The following LRRIQ3 variants were observed in gnomAD, a reference collection of about 807,000 sequenced individuals.
LRRIQ3 encodes leucine rich repeats and IQ motif containing 3.
A neutral mutation model predicts 59.3 loss-of-function variants in LRRIQ3; 75 were observed. The observed-to-expected ratio is 1.26, with a 90% CI of 1.05 to 1.53. The LOEUF is 1.53. Among genes scored for constraint, LRRIQ3 ranks in the 40% most tolerant of loss-of-function variants. LRRIQ3 has a pLI of 0.00. For synonymous variants in LRRIQ3, 250 were observed against 231.3 expected, an observed-to-expected ratio of 1.08 and a Z score of -0.73; for missense variants, 831 against 710.0, an observed-to-expected ratio of 1.17 and a Z score of -1.94.
At chr1:74,063,792 G>A (rs1654795304) in intron 6 of LRRIQ3, among the ~76,000 whole-genome samples, 2 of 151,840 alleles carry the variant, frequency 1.3e-5, no homozygotes, top group South Asian at 4.2e-4. Flanking sequence ...AATCTAAAGT[G>A]TGTTTGCTTT....
At chr1:74,093,456 C>T (rs570249160) in intron 5 of LRRIQ3, among the ~76,000 whole-genome samples, 6 of 151,994 alleles carry the variant, frequency 3.9e-5, no homozygotes, top group Non-Finnish European at 7.4e-5. Flanking sequence ...TATGCTGTTT[C>T]TATGCCACTT....
At chr1:74,106,948 C>A (rs1646623822) in intron 5 of LRRIQ3, among the ~76,000 whole-genome samples, 2 of 151,890 alleles carry the variant, frequency 1.3e-5, no homozygotes, top group African/African-American at 2.4e-5. Context: ...AGGAAGTGTT[C>A]CACATCCTCC....
At chr1:74,083,701 C>A (rs1435352668) in intron 5 of LRRIQ3, 1 of 151,998 alleles carries the variant, frequency 6.6e-6, no homozygotes, top group African/African-American at 2.4e-5. Context: ...TCATAAAACA[C>A]AAATCTTTGT....
chr1:74,030,476 T>A (rs1653669504), intron 7 of LRRIQ3, among the ~76,000 whole-genome samples: 1 of 152,118 alleles, frequency 6.6e-6, no homozygotes, highest in Admixed American at 6.6e-5. Context: ...AACTATCTGA[T>A]CCTTGACAAA....
intron 3 of LRRIQ3, among the ~76,000 whole-genome samples, chr1:74,175,336 CT>C (rs950990040): frequency 1.2e-4 from 19 of 152,256 alleles, no homozygotes; most frequent in African/African-American, 4.6e-4. Flanking sequence ...TACCCTCCCC[CT>C]TTTTTTGTTG....
chr1:74,113,959 CTA>C (rs1011339834), intron 4 of LRRIQ3, among the ~76,000 whole-genome samples: 4 of 151,448 alleles, frequency 2.6e-5, no homozygotes, highest in African/African-American at 9.7e-5. Flanking sequence ...CTCTCTTTCT[CTA>C]TCTCTCTCTC....
chr1:74,109,666 A>G, intron 4 of LRRIQ3, 113 bp from the exon 5 acceptor site: 1 of 809,730 alleles, frequency 1.2e-6, no homozygotes, highest in East Asian at 3.0e-5. Flanking sequence ...ATTGAATGTA[A>G]TAATATATTT....
intron 3 of LRRIQ3, among the ~76,000 whole-genome samples, chr1:74,177,012 A>G (rs1403533518): frequency 6.6e-6 from 1 of 152,178 alleles, no homozygotes; most frequent in East Asian, 1.9e-4. Context: ...TGACTGCAGT[A>G]GAGTGGTTAT....
intron 4 of LRRIQ3, among the ~76,000 whole-genome samples, chr1:74,129,048 G>C (rs1557629614): frequency 6.6e-6 from 1 of 152,026 alleles, no homozygotes. Flanking sequence ...ACTGTGCTAG[G>C]TCAGATCTAA....
intron 3 of LRRIQ3, among the ~76,000 whole-genome samples, chr1:74,166,374 A>G (rs1053462969): frequency 1.5e-4 from 23 of 151,612 alleles, no homozygotes. Flanking sequence ...TATTCTGTTA[A>G]CATTTGCAAG....
chr1:74,107,905 T>C (rs1163645587), intron 5 of LRRIQ3, among the ~76,000 whole-genome samples: 1 of 151,642 alleles, frequency 6.6e-6, no homozygotes, highest in Non-Finnish European at 1.5e-5. Flanking sequence ...TTTAGCAGAA[T>C]TATTCAAAAT....
intron 4 of LRRIQ3, among the ~76,000 whole-genome samples, chr1:74,115,878 A>G (rs1310560630): frequency 6.6e-6 from 1 of 152,174 alleles, no homozygotes; most frequent in South Asian, 2.1e-4. Flanking sequence ...AGGTGTTAAA[A>G]CAACTAAGAA....
At chr1:74,071,971 A>G (rs888946646) in intron 6 of LRRIQ3, among the ~76,000 whole-genome samples, 4 of 152,176 alleles carry the variant, frequency 2.6e-5, no homozygotes, top group South Asian at 2.1e-4. Flanking sequence ...ACTCAACAAT[A>G]TATTAATTAT....
intron 6 of LRRIQ3, among the ~76,000 whole-genome samples, chr1:74,065,534 T>C (rs1018159749): frequency 6.6e-6 from 1 of 152,142 alleles, no homozygotes; most frequent in African/African-American, 2.4e-5. Context: ...AGGTACAAAA[T>C]ACACTGTTCC....
chr1:74,182,046 CTTAA>C (rs1650009934), intron 3 of LRRIQ3: 1 of 151,806 alleles, frequency 6.6e-6, no homozygotes, highest in Admixed American at 6.6e-5. Flanking sequence ...TGTAAATCCA[CTTAA>C]TTAGTCTGTA....
intron 6 of LRRIQ3, among the ~76,000 whole-genome samples, chr1:74,064,772 T>G (rs1003518379): frequency 6.6e-6 from 1 of 152,040 alleles, no homozygotes; most frequent in African/African-American, 2.4e-5. Flanking sequence ...TCTGGCCTCA[T>G]TATATCTGAT....
At chr1:74,058,745 T>C (rs993581548) in intron 6 of LRRIQ3, among the ~76,000 whole-genome samples, 2 of 152,064 alleles carry the variant, frequency 1.3e-5, no homozygotes, top group Admixed American at 6.6e-5. Flanking sequence ...AAGGGAATGG[T>C]AAATGTTTGA....
intron 4 of LRRIQ3, among the ~76,000 whole-genome samples, chr1:74,133,501 G>A (rs539802130): frequency 5.9e-4 from 89 of 152,030 alleles, no homozygotes; most frequent in African/African-American, 2.0e-3. Flanking sequence ...AGAAAATGTG[G>A]CACATATACA....
At chr1:74,036,336 C>A (rs1381052098) in intron 7 of LRRIQ3, among the ~76,000 whole-genome samples, 1 of 152,122 alleles carries the variant, frequency 6.6e-6, no homozygotes, top group African/African-American at 2.4e-5. Context: ...AACAAACAGG[C>A]CTTGCTTGGT....
Sources: gnomAD v4.1 joint callset for allele counts (sites outside exome capture counted in the v4.1 genomes callset) on GRCh38, gnomAD v4.1.1 for gene constraint, MANE v1.5 for transcripts, NCBI Gene and HGNC (gene_info 2026-07-23, HGNC 2026-07-21) for gene names.